Variants in RGS6 observed in about 807,000 individuals in gnomAD.
The protein encoded by RGS6 is regulator of G-protein signaling 6.
A neutral mutation model predicts 78.5 loss-of-function variants in RGS6; 30 were observed. The ratio of observed to expected loss-of-function variants is 0.38; its 90% confidence interval spans 0.29 to 0.52. The LOEUF (loss-of-function observed/expected upper bound fraction) is 0.52. Among genes scored for constraint, RGS6 ranks in the 20% least tolerant of loss-of-function variants. The pLI is 0.85. For synonymous variants in RGS6, 206 were observed against 206.0 expected, an observed-to-expected ratio of 1.00 and a Z score of 0.00; for missense variants, 495 against 609.7, an observed-to-expected ratio of 0.81 and a Z score of 1.98.
At chr14:72,292,368 C>T (rs893332685) in intron 2 of RGS6, among the ~76,000 whole-genome samples, 19 of 152,188 alleles carry the variant, frequency 1.2e-4, no homozygotes, top group Non-Finnish European at 1.5e-5. Flanking sequence ...GCTTCTCTCA[C>T]TGCCAAGGAC....
chr14:72,450,444 G>A (rs1213335369), intron 3 of RGS6, among the ~76,000 whole-genome samples: 2 of 152,110 alleles, frequency 1.3e-5, no homozygotes, highest in East Asian at 1.9e-4. Flanking sequence ...AATAAAACAC[G>A]CATGCAATGG....
At chr14:72,409,915 A>G (rs1354289805) in intron 3 of RGS6, among the ~76,000 whole-genome samples, 1 of 152,194 alleles carries the variant, frequency 6.6e-6, no homozygotes, top group Non-Finnish European at 1.5e-5. Context: ...ATGGCTGCAT[A>G]GTATTCCATG....
At chr14:72,007,348 T>C (rs2084766704) in intron 2 of RGS6, among the ~76,000 whole-genome samples, 1 of 152,034 alleles carries the variant, frequency 6.6e-6, no homozygotes, top group African/African-American at 2.4e-5. Context: ...GAAAACAAGG[T>C]CCAAACATTA....
intron 2 of RGS6, among the ~76,000 whole-genome samples, chr14:72,053,034 T>C (rs1227340323): frequency 4.4e-4 from 2 of 4,558 alleles, no homozygotes; most frequent in African/African-American, 2.3e-3. Flanking sequence ...TCTTTCCCCC[T>C]CCCTCCCTCC....
intron 3 of RGS6, among the ~76,000 whole-genome samples, chr14:72,399,329 G>A (rs2092013543): frequency 6.6e-6 from 1 of 152,056 alleles, no homozygotes; most frequent in South Asian, 2.1e-4. Context: ...TTTAAAGTCT[G>A]TTTTATCTGA....
the RGS6 span, among the ~76,000 whole-genome samples, chr14:72,590,144 G>T: frequency 1.3e-5 from 2 of 152,180 alleles, no homozygotes; most frequent in Non-Finnish European, 2.9e-5. Context: ...AATACCAAGC[G>T]TTGCAAAGAT....
At chr14:72,196,005 T>A (rs927502398) in intron 2 of RGS6, among the ~76,000 whole-genome samples, 16 of 152,058 alleles carry the variant, frequency 1.1e-4, no homozygotes, top group Non-Finnish European at 1.8e-4. Context: ...GTAAATAGTT[T>A]GGGGAGCAGA....
At chr14:72,381,969 A>C (rs889743098) in intron 3 of RGS6, among the ~76,000 whole-genome samples, 1 of 152,024 alleles carries the variant, frequency 6.6e-6, no homozygotes, top group East Asian at 1.9e-4. Context: ...GGGCAAAAAA[A>C]CAGTGTCTTA....
chr14:72,133,710 T>C (rs1255351137), intron 2 of RGS6, among the ~76,000 whole-genome samples: 1 of 152,136 alleles, frequency 6.6e-6, no homozygotes, highest in Non-Finnish European at 1.5e-5. Context: ...CTTCCTCCAC[T>C]GTCAGGTAAG....
intron 2 of RGS6, among the ~76,000 whole-genome samples, chr14:72,329,370 C>T (rs1356797159): frequency 6.6e-6 from 1 of 152,250 alleles, no homozygotes; most frequent in Non-Finnish European, 1.5e-5. Context: ...GGTGCCAAGT[C>T]TCTTGGGCCC....
chr14:72,081,264 A>AT (rs1383207922), intron 2 of RGS6, among the ~76,000 whole-genome samples: 1 of 151,650 alleles, frequency 6.6e-6, no homozygotes, highest in Non-Finnish European at 1.5e-5. Context: ...TTATTTATTT[A>AT]TTTTTTTGCT....
chr14:72,162,776 A>C (rs1476134867), intron 2 of RGS6, among the ~76,000 whole-genome samples: 1 of 152,194 alleles, frequency 6.6e-6, no homozygotes, highest in Non-Finnish European at 1.5e-5. Flanking sequence ...GTGGATAAAG[A>C]CACTGTGAGA....
intron 2 of RGS6, among the ~76,000 whole-genome samples, chr14:71,977,030 T>C (rs1435052268): frequency 8.2e-6 from 1 of 122,220 alleles, no homozygotes; most frequent in East Asian, 2.6e-4. Context: ...GAGCATTTTT[T>C]CATGTGTCTT....
At chr14:72,315,340 T>C (rs2069836277) in intron 2 of RGS6, among the ~76,000 whole-genome samples, 1 of 152,252 alleles carries the variant, frequency 6.6e-6, no homozygotes, top group African/African-American at 2.4e-5. Context: ...TCTTCCTTTT[T>C]AGCTATGGGA....
intron 12 of RGS6, among the ~76,000 whole-genome samples, chr14:72,491,774 G>A (rs1050862906): frequency 6.6e-6 from 1 of 152,130 alleles, no homozygotes; most frequent in Non-Finnish European, 1.5e-5. Flanking sequence ...GTGACAAAGT[G>A]AGCCAGTTTT....
At chr14:72,322,969 A>T (rs1595789445) in intron 2 of RGS6, among the ~76,000 whole-genome samples, 2 of 152,254 alleles carry the variant, frequency 1.3e-5, no homozygotes, top group South Asian at 4.2e-4. Flanking sequence ...AGAAAGTGTC[A>T]TTAATGTCGG....
At chr14:72,003,899 A>G (rs2083994294) in intron 2 of RGS6, among the ~76,000 whole-genome samples, 1 of 152,180 alleles carries the variant, frequency 6.6e-6, no homozygotes, top group African/African-American at 2.4e-5. Flanking sequence ...ATGAGCTTGG[A>G]CAAATTCTCT....
chr14:72,547,158 A>G, intron 17 of RGS6: 7 of 1,534,140 alleles, frequency 4.6e-6, no homozygotes, highest in Non-Finnish European at 6.1e-6. Context: ...TCTGCCTAGG[A>G]CAGAGCCTGC....
chr14:72,251,823 A>G (rs1221020489), intron 2 of RGS6, among the ~76,000 whole-genome samples: 1 of 152,204 alleles, frequency 6.6e-6, no homozygotes, highest in East Asian at 1.9e-4. Context: ...CAATATACCC[A>G]TGTAACAGAT....
Sources: allele counts gnomAD v4.1 joint callset (sites outside exome capture counted in the v4.1 genomes callset), GRCh38; gene constraint gnomAD v4.1.1; transcripts MANE v1.5; gene names NCBI Gene and HGNC (gene_info 2026-07-23, HGNC 2026-07-21).